Variants in LRRN3 observed in about 807,000 individuals in gnomAD.
The protein encoded by LRRN3 is leucine rich repeat neuronal 3.
In LRRN3, 15 loss-of-function variants were observed where a neutral mutation model predicts 40.1. That is an observed-to-expected ratio of 0.37 (90% CI 0.25 to 0.58). The LOEUF is 0.58. LRRN3 is among the 20% of genes least tolerant of loss of function. The pLI is 0.72. For missense variants in LRRN3, 746 were observed against 837.7 expected (o/e 0.89, Z 1.35); for synonymous variants, 308 against 297.2 (o/e 1.04, Z -0.37).
At chr7:111,092,190 G>T (rs1404210442) in intron 1 of LRRN3, among the ~76,000 whole-genome samples, 4 of 152,192 alleles carry the variant, frequency 2.6e-5, no homozygotes, top group Non-Finnish European at 5.9e-5. Flanking sequence ...GGTCTGAAGG[G>T]ACAGTGCAAA....
chr7:111,095,395 T>C (rs1025131524), intron 1 of LRRN3, among the ~76,000 whole-genome samples: 1 of 151,876 alleles, frequency 6.6e-6, no homozygotes, highest in Non-Finnish European at 1.5e-5. Context: ...AAAATAATGT[T>C]TTCTCAAAAA....
At chr7:111,111,183 A>G (rs1443808042) in intron 2 of LRRN3, among the ~76,000 whole-genome samples, 1 of 152,074 alleles carries the variant, frequency 6.6e-6, no homozygotes, top group Non-Finnish European at 1.5e-5. Context: ...CTGTTTTGAA[A>G]GAACTCTTTT....
chr7:111,104,745 A>C (rs1798355876), intron 2 of LRRN3, among the ~76,000 whole-genome samples: 1 of 151,856 alleles, frequency 6.6e-6, no homozygotes, highest in South Asian at 2.1e-4. Flanking sequence ...ATGTATTCAC[A>C]ATAAGCTGTA....
chr7:111,102,356 C>G (rs1185741986), intron 2 of LRRN3, among the ~76,000 whole-genome samples: 1 of 151,408 alleles, frequency 6.6e-6, no homozygotes, highest in African/African-American at 2.4e-5. Flanking sequence ...CTCAGCAGTG[C>G]CTTATCTGTG....
intron 2 of LRRN3, among the ~76,000 whole-genome samples, chr7:111,104,462 T>C (rs548481570): frequency 6.6e-6 from 1 of 151,972 alleles, no homozygotes; most frequent in South Asian, 2.1e-4. Context: ...TGATATGATG[T>C]CACTTTAGTA....
At chr7:111,101,215 A>G (rs918679225) in intron 2 of LRRN3, among the ~76,000 whole-genome samples, 3 of 151,542 alleles carry the variant, frequency 2.0e-5, no homozygotes, top group South Asian at 2.1e-4. Context: ...TTCTAAGATA[A>G]TATCTTACCA....
At chr7:111,106,176 G>A (rs1158767666) in intron 2 of LRRN3, among the ~76,000 whole-genome samples, 1 of 151,864 alleles carries the variant, frequency 6.6e-6, no homozygotes, top group Non-Finnish European at 1.5e-5. Flanking sequence ...TAAAATGGGA[G>A]GAATACTCAT....
chr7:111,124,195 G>T lies in LRRN3; in HGVS notation c.1423G>T (p.Val475Phe). The T allele has an allele frequency of 6.2e-7, 1 of 1,613,862 alleles. No homozygotes were observed. Reference protein sequence around the residue: ...LPNTLTDKFYVHSEGTLDING... With the variant: ...LPNTLTDKFYFHSEGTLDING... ...TAATACCCTGACAGACAAGTTCTAT[G>T]TCCATTCTGAGGGAACACTAGATAT... is the stretch of plus-strand genomic sequence containing the variant. The change falls in exon 3 of 3, where the codon GTC becomes TTC. Residue 475 changes from valine to phenylalanine, a missense_variant. Val to Phe is a conservative substitution (Grantham distance 50, BLOSUM62 -1). Transcript: ENST00000308478.
intron 2 of LRRN3, among the ~76,000 whole-genome samples, chr7:111,109,510 T>C (rs1798942099): frequency 6.6e-6 from 1 of 152,126 alleles, no homozygotes; most frequent in Non-Finnish European, 1.5e-5. Flanking sequence ...CAAGTACATA[T>C]ATATCTGCGA....
intron 2 of LRRN3, among the ~76,000 whole-genome samples, chr7:111,112,703 C>T (rs1586352145): frequency 6.6e-6 from 1 of 152,274 alleles, no homozygotes; most frequent in East Asian, 1.9e-4. Context: ...GGAAATCTGA[C>T]ACACTTTTGA....
intron 2 of LRRN3, among the ~76,000 whole-genome samples, chr7:111,104,096 T>C (rs1283500493): frequency 6.6e-6 from 1 of 151,752 alleles, no homozygotes; most frequent in Non-Finnish European, 1.5e-5. Context: ...TTCATATCTC[T>C]GAGTTTGGGC....
At chr7:111,102,880 T>C (rs530386916) in intron 2 of LRRN3, among the ~76,000 whole-genome samples, 45 of 151,646 alleles carry the variant, frequency 3.0e-4, no homozygotes, top group African/African-American at 9.9e-4. Context: ...AATCTCATTG[T>C]AAACTTATTT....
At chr7:111,117,391 T>C (rs892286640) in intron 2 of LRRN3, among the ~76,000 whole-genome samples, 10 of 152,058 alleles carry the variant, frequency 6.6e-5, no homozygotes, top group Non-Finnish European at 1.3e-4. Flanking sequence ...TGTCCCCAGT[T>C]ACAAAATCAT....
At chr7:111,111,232 C>T (rs1320953506) in intron 2 of LRRN3, among the ~76,000 whole-genome samples, 3 of 147,368 alleles carry the variant, frequency 2.0e-5, no homozygotes, top group Admixed American at 6.8e-5. Flanking sequence ...GTGCTCTAGT[C>T]ATGTACAACC....
chr7:111,124,282 G>T lies in LRRN3; in HGVS notation c.1510G>T (p.Ala504Ser), dbSNP rs145624149. 8.7e-6 allele frequency: 14 copies of T among 1,613,886 alleles called. No individual in the cohort carries two copies. The East Asian group carries it at 2.9e-4, about 33-fold the overall frequency. ...TTGTATAGCAACTAACCTAGTTGGC[G>T]CTGACTTGAAGTCTGTTATGATCAA... is the stretch of plus-strand genomic sequence containing the variant. ...YTCIATNLVG[A>S]DLKSVMIKVD... The change falls in exon 3 of 3, where the codon GCT becomes TCT. Residue 504 changes from alanine (A) to serine (S), a missense_variant. Ala to Ser is a moderately conservative substitution (Grantham distance 99). Coordinates refer to ENST00000308478, the MANE Select transcript of LRRN3 (RefSeq NM_001099658.2).
intron 2 of LRRN3, among the ~76,000 whole-genome samples, chr7:111,118,559 A>G (rs936876879): frequency 1.3e-5 from 2 of 152,096 alleles, no homozygotes; most frequent in African/African-American, 4.8e-5. Context: ...ATAACCTTAC[A>G]TTAAAAAGTG....
At chr7:111,102,950 A>G (rs976226813) in intron 2 of LRRN3, among the ~76,000 whole-genome samples, 5 of 151,522 alleles carry the variant, frequency 3.3e-5, no homozygotes, top group African/African-American at 7.3e-5. Flanking sequence ...CATATAGTAT[A>G]GGACAATGAG....
chr7:111,111,783 T>G (rs1423862346), intron 2 of LRRN3, among the ~76,000 whole-genome samples: 2 of 151,798 alleles, frequency 1.3e-5, no homozygotes, highest in Non-Finnish European at 2.9e-5. Context: ...ATTGTGAGGC[T>G]TCTATAAAGT....
rs1286708511 is a variant in LRRN3 at position 111,122,734 on chromosome 7, C to A, written c.-39C>A. ...AACTTACTAGCACTGACTGTGGAAT[C>A]CTTAAGGGCCCATTACATTTCTGAA... On this transcript the variant is annotated 5_prime_UTR_variant, in exon 3 of 3. Transcript: ENST00000308478. 8.6e-6 allele frequency: 13 copies of A among 1,520,458 alleles called. No homozygotes were observed. In the South Asian group the frequency reaches 1.5e-4, roughly 17 times the overall value. The allele number at this position is 1,520,458 out of a possible 1,614,324, so 94.2% of individuals were successfully genotyped here.
Sources: allele counts gnomAD v4.1 joint callset (sites outside exome capture counted in the v4.1 genomes callset), GRCh38; gene constraint gnomAD v4.1.1; transcripts MANE v1.5; gene names NCBI Gene and HGNC (gene_info 2026-07-23, HGNC 2026-07-21).